The following ZBTB20 variants were observed in gnomAD, a reference collection of about 807,000 sequenced individuals.
ZBTB20 encodes the protein zinc finger and BTB domain containing 20, also known as zinc finger and BTB domain-containing protein 20.
Under a neutral mutation model 56.9 loss-of-function variants are expected in ZBTB20, and 9 were observed. The observed-to-expected ratio is 0.16, with a 90% CI of 0.10 to 0.28. The LOEUF (loss-of-function observed/expected upper bound fraction) is 0.28. ZBTB20 is among the 10% of genes least tolerant of loss of function. The pLI, the probability that ZBTB20 is intolerant of heterozygous loss-of-function variation, is 1.00. For synonymous variants in ZBTB20, 417 were observed against 420.7 expected, an observed-to-expected ratio of 0.99 and a Z score of 0.11; for missense variants, 655 against 1,003.0, an observed-to-expected ratio of 0.65 and a Z score of 4.69.
intron 7 of ZBTB20, among the ~76,000 whole-genome samples, chr3:114,487,836 C>A (rs1489593865): frequency 3.3e-5 from 5 of 152,116 alleles, no homozygotes; most frequent in Non-Finnish European, 5.9e-5. Context: ...AATCAGAGAG[C>A]GGGGAAAGAT....
intron 1 of ZBTB20, among the ~76,000 whole-genome samples, chr3:115,145,726 T>C (rs190588630): frequency 2.3e-4 from 35 of 152,198 alleles, no homozygotes; most frequent in African/African-American, 7.9e-4. Context: ...TTCCACAAAA[T>C]AGCAAAGGGT....
At chr3:115,068,436 T>C (rs145189223) in intron 2 of ZBTB20, among the ~76,000 whole-genome samples, 3 of 152,106 alleles carry the variant, frequency 2.0e-5, no homozygotes, top group African/African-American at 7.2e-5. Context: ...ATATGAAGAA[T>C]ACACATCTGA....
intron 3 of ZBTB20, among the ~76,000 whole-genome samples, chr3:114,939,201 C>G (rs2076649087): frequency 6.8e-6 from 1 of 146,044 alleles, no homozygotes; most frequent in Non-Finnish European, 1.5e-5. Flanking sequence ...GAATCTATCT[C>G]AAGGAAGCAA....
At chr3:114,890,639 T>C (rs1240454453) in intron 4 of ZBTB20, among the ~76,000 whole-genome samples, 1 of 152,082 alleles carries the variant, frequency 6.6e-6, no homozygotes, top group East Asian at 1.9e-4. Flanking sequence ...TTAGGAGATG[T>C]ACCTAATGTA....
chr3:114,662,291 A>G (rs1478019622), intron 6 of ZBTB20, among the ~76,000 whole-genome samples: 2,460 of 151,008 alleles, frequency 0.016, 59 homozygotes, highest in African/African-American at 0.055. Flanking sequence ...CATTTTCTTA[A>G]TCCAGTCTAT....
chr3:114,602,794 A>G (rs13061035), intron 6 of ZBTB20, among the ~76,000 whole-genome samples: 4,686 of 152,132 alleles, frequency 0.031, 111 homozygotes, highest in Non-Finnish European at 0.042. Context: ...ATATAATTTG[A>G]AAATATCATC....
intron 5 of ZBTB20, among the ~76,000 whole-genome samples, chr3:114,722,422 A>G (rs1238731491): frequency 2.0e-5 from 3 of 152,176 alleles, no homozygotes; most frequent in African/African-American, 7.2e-5. Flanking sequence ...AACCACATGA[A>G]GACCTAAGAA....
chr3:114,640,902 T>C (rs967300087), intron 6 of ZBTB20, among the ~76,000 whole-genome samples: 1 of 152,014 alleles, frequency 6.6e-6, no homozygotes, highest in Non-Finnish European at 1.5e-5. Context: ...CCTTATTTTA[T>C]ACAAGCAAGC....
At chr3:115,041,101 A>C (rs926353848) in intron 2 of ZBTB20, among the ~76,000 whole-genome samples, 15 of 152,180 alleles carry the variant, frequency 9.9e-5, no homozygotes, top group African/African-American at 3.6e-4. Flanking sequence ...GATTATAAAA[A>C]TATTTGGATA....
At chr3:114,862,577 G>A (rs1284515836) in intron 4 of ZBTB20, among the ~76,000 whole-genome samples, 1 of 152,146 alleles carries the variant, frequency 6.6e-6, no homozygotes, top group African/African-American at 2.4e-5. Flanking sequence ...ACAGTTCTAA[G>A]AGATCTAGTT....
chr3:114,935,181 T>G (rs1457339445), intron 3 of ZBTB20, among the ~76,000 whole-genome samples: 2 of 152,192 alleles, frequency 1.3e-5, no homozygotes, highest in East Asian at 1.9e-4. Flanking sequence ...AATGTGTACT[T>G]TGCCTCCTCC....
chr3:115,049,241 T>C (rs1437533811), intron 2 of ZBTB20, among the ~76,000 whole-genome samples: 2 of 152,122 alleles, frequency 1.3e-5, no homozygotes, highest in African/African-American at 2.4e-5. Flanking sequence ...TTATAAGATA[T>C]TGAAAATGTC....
chr3:114,857,837 A>G (rs2075319825), intron 4 of ZBTB20, among the ~76,000 whole-genome samples: 1 of 152,230 alleles, frequency 6.6e-6, no homozygotes, highest in Admixed American at 6.5e-5. Flanking sequence ...CAATTCAGTA[A>G]CAAAATTAAC....
chr3:114,343,125 C>G (rs1322575074), intron 11 of ZBTB20, among the ~76,000 whole-genome samples: 1 of 149,892 alleles, frequency 6.7e-6, no homozygotes, highest in Admixed American at 6.6e-5. Context: ...ACACTTAACT[C>G]TACCATGACT....
intron 4 of ZBTB20, among the ~76,000 whole-genome samples, chr3:114,874,799 A>G (rs1315090263): frequency 1.3e-5 from 2 of 152,206 alleles, no homozygotes; most frequent in Non-Finnish European, 2.9e-5. Context: ...CCTCCCAGGA[A>G]TTGGTGCTTG....
At chr3:115,113,877 A>G (rs139407369) in intron 1 of ZBTB20, among the ~76,000 whole-genome samples, 3 of 152,282 alleles carry the variant, frequency 2.0e-5, no homozygotes, top group East Asian at 1.9e-4. Flanking sequence ...TATTTGCTCA[A>G]CCAGACTTTC....
intron 3 of ZBTB20, among the ~76,000 whole-genome samples, chr3:114,934,933 T>C (rs945476611): frequency 1.3e-5 from 2 of 152,232 alleles, no homozygotes; most frequent in Non-Finnish European, 2.9e-5. Flanking sequence ...CACAGTGAGC[T>C]TATTTAATAA....
chr3:114,406,494 GTACCA>G (rs539186256), intron 7 of ZBTB20, among the ~76,000 whole-genome samples: 1 of 152,206 alleles, frequency 6.6e-6, no homozygotes, highest in South Asian at 2.1e-4. Flanking sequence ...ACAACTTCCT[GTACCA>G]TGTTTTTGGT....
chr3:114,813,926 T>A (rs1197106667), intron 4 of ZBTB20, among the ~76,000 whole-genome samples: 1 of 152,180 alleles, frequency 6.6e-6, no homozygotes, highest in Admixed American at 6.5e-5. Flanking sequence ...TTCACAGTAA[T>A]AAGATGTTGT....
Sources: gnomAD v4.1 joint callset for allele counts (sites outside exome capture counted in the v4.1 genomes callset) on GRCh38, gnomAD v4.1.1 for gene constraint, MANE v1.5 for transcripts, NCBI Gene and HGNC (gene_info 2026-07-23, HGNC 2026-07-21) for gene names.